The following PRSS23 variants were observed in gnomAD, a reference collection of about 807,000 sequenced individuals.
PRSS23 encodes the protein serine protease 23, also known as protease, serine 23.
PRSS23 carries 25 observed loss-of-function variants against 34.7 expected under a neutral mutation model. That is an observed-to-expected ratio of 0.72 (90% confidence interval 0.53 to 1.01). PRSS23 has a LOEUF of 1.01. PRSS23 is among the 50% of genes least tolerant of loss of function. The pLI is 0.00. For missense variants in PRSS23, 445 were observed against 475.6 expected, an observed-to-expected ratio of 0.94 and a Z score of 0.60; for synonymous variants, 176 against 186.6, an observed-to-expected ratio of 0.94 and a Z score of 0.46.
intron 2 of PRSS23, chr11:86,947,218 CA>C: frequency 1.3e-5 from 2 of 159,318 alleles, no homozygotes; most frequent in Non-Finnish European, 2.8e-5. Flanking sequence ...AACAAACAAA[CA>C]AACAAACAAA....
chr11:86,815,774 TA>T (rs1345898301), downstream of PRSS23, among the ~76,000 whole-genome samples: 4 of 152,294 alleles, frequency 2.6e-5, no homozygotes, highest in Middle Eastern at 3.4e-3. Context: ...TGTCATGACA[TA>T]GATCCTCTCC....
intron 1 of PRSS23, among the ~76,000 whole-genome samples, chr11:86,816,324 G>T (rs1565353951): frequency 6.6e-6 from 1 of 152,144 alleles, no homozygotes; most frequent in Non-Finnish European, 1.5e-5. Flanking sequence ...CTGTGCTCAG[G>T]GTGTTCATGC....
At chr11:86,831,132 C>G (rs150629397) in intron 2 of PRSS23, among the ~76,000 whole-genome samples, 2 of 151,848 alleles carry the variant, frequency 1.3e-5, no homozygotes, top group African/African-American at 2.4e-5. Flanking sequence ...GTGTACACTC[C>G]GTGATATTAT....
At chr11:86,823,912 A>G (rs368309512) in intron 2 of PRSS23, among the ~76,000 whole-genome samples, 4 of 140,910 alleles carry the variant, frequency 2.8e-5, no homozygotes, top group South Asian at 4.8e-4. Context: ...AGGCTGAGGC[A>G]GGAGAATGGC....
At chr11:86,841,722 AGTAAACCAGGAGG>A (rs1948449982) in intron 2 of PRSS23, among the ~76,000 whole-genome samples, 1 of 152,230 alleles carries the variant, frequency 6.6e-6, no homozygotes, top group Admixed American at 6.5e-5. Flanking sequence ...CCCACCCAAG[AGTAAACCAGGAGG>A]AAGTTGAATC....
At chr11:86,872,830 G>A (rs1948694028) in intron 2 of PRSS23, among the ~76,000 whole-genome samples, 1 of 152,150 alleles carries the variant, frequency 6.6e-6, no homozygotes, top group South Asian at 2.1e-4. Context: ...ATGACCTTGA[G>A]TAAGTTGCTT....
At chr11:86,867,210 C>G (rs1450565321) in intron 2 of PRSS23, among the ~76,000 whole-genome samples, 1 of 152,220 alleles carries the variant, frequency 6.6e-6, no homozygotes, top group Non-Finnish European at 1.5e-5. Flanking sequence ...CACAACTTCT[C>G]TGTGATAAAA....
chr11:86,916,245 T>C (rs1398284317), intron 2 of PRSS23, among the ~76,000 whole-genome samples: 3 of 152,188 alleles, frequency 2.0e-5, no homozygotes, highest in Admixed American at 2.0e-4. Flanking sequence ...AAAAAACCCA[T>C]AAACACGAAT....
chr11:86,930,186 T>TA (rs35103355), intron 2 of PRSS23, among the ~76,000 whole-genome samples: 5 of 150,308 alleles, frequency 3.3e-5, no homozygotes, highest in South Asian at 2.1e-4. Context: ...GAAGTTCCTT[T>TA]AAAAAAAAAA....
chr11:86,829,322 C>T (rs376636723), intron 2 of PRSS23, among the ~76,000 whole-genome samples: 24 of 152,296 alleles, frequency 1.6e-4, no homozygotes, highest in African/African-American at 4.8e-4. Flanking sequence ...ATGTAGTTCT[C>T]GAGCTTTGGC....
intron 2 of PRSS23, among the ~76,000 whole-genome samples, chr11:86,905,108 G>T (rs1242557171): frequency 6.6e-6 from 1 of 152,120 alleles, no homozygotes; most frequent in Non-Finnish European, 1.5e-5. Context: ...AAAAACAGAT[G>T]TTGGGCTTGA....
intron 2 of PRSS23, chr11:86,937,926 A>G (rs1369104980): frequency 1.3e-5 from 2 of 152,212 alleles, no homozygotes; most frequent in African/African-American, 4.8e-5. Context: ...AGAACTAGAC[A>G]CAAACTTAGA....
chr11:86,922,066 C>G (rs1254763548), intron 2 of PRSS23: 1 of 152,074 alleles, frequency 6.6e-6, no homozygotes, highest in African/African-American at 2.4e-5. Flanking sequence ...TCCTTTGTAG[C>G]AAGAGCCTTC....
intron 2 of PRSS23, among the ~76,000 whole-genome samples, chr11:86,846,490 G>C (rs887323711): frequency 2.0e-5 from 3 of 152,194 alleles, no homozygotes; most frequent in Non-Finnish European, 2.9e-5. Context: ...CCTGGAACCA[G>C]TTCCAACTCT....
intron 2 of PRSS23, among the ~76,000 whole-genome samples, chr11:86,886,863 C>T (rs57622507): frequency 0.13 from 19,253 of 152,034 alleles, 1,979 homozygotes; most frequent in African/African-American, 0.29. Flanking sequence ...TGCTTGAACC[C>T]GGGAGGCAGA....
At chr11:86,848,182 A>G (rs1948501724) in intron 2 of PRSS23, among the ~76,000 whole-genome samples, 2 of 152,256 alleles carry the variant, frequency 1.3e-5, no homozygotes, top group South Asian at 4.1e-4. Flanking sequence ...ATAACCATAT[A>G]CATGTCCTGC....
chr11:86,900,728 C>T (rs1027364782), intron 2 of PRSS23, among the ~76,000 whole-genome samples: 4 of 151,432 alleles, frequency 2.6e-5, no homozygotes, highest in African/African-American at 7.3e-5. Flanking sequence ...CTTTCTCAGA[C>T]TCTGCCTGGC....
chr11:86,824,215 G>T (rs566383394), intron 2 of PRSS23, among the ~76,000 whole-genome samples: 1 of 151,226 alleles, frequency 6.6e-6, no homozygotes, highest in Admixed American at 6.6e-5. Flanking sequence ...GGCTGAGGTG[G>T]GAGGATCGCT....
rs1286458394 is a variant in PRSS23, at chr11:86,866,509, A to G, written c.206+42916A>G. 2.0e-5 allele frequency among the ~76,000 whole-genome samples: 3 copies of G among 152,340 alleles called. No homozygotes were observed. In the South Asian group the frequency reaches 6.2e-4, roughly 32 times the overall value. The stretch of plus-strand genomic sequence containing the variant: ...TTTATTTAAAATCCATTCATCATCT[A>G]TTCATTCATGAATCAACTTTTCAAG... On this transcript the variant is annotated intron_variant, in intron 2 of 2. Coordinates refer to the PRSS23 transcript ENST00000533902.
Sources: gnomAD v4.1 joint callset for allele counts (sites outside exome capture counted in the v4.1 genomes callset) on GRCh38, gnomAD v4.1.1 for gene constraint, MANE v1.5 for transcripts, NCBI Gene and HGNC (gene_info 2026-07-23, HGNC 2026-07-21) for gene names.